The following PRDM11 variants were observed in gnomAD, a reference collection of about 807,000 sequenced individuals.
The protein encoded by PRDM11 is PR domain-containing protein 11.
A neutral mutation model predicts 97.8 loss-of-function variants in PRDM11; 20 were observed. The observed-to-expected ratio is 0.20, with a 90% confidence interval of 0.14 to 0.30. The LOEUF (loss-of-function observed/expected upper bound fraction) is 0.30. Among genes scored for constraint, PRDM11 ranks in the 10% least tolerant of loss-of-function variants. The probability of loss-of-function intolerance (pLI) is 1.00; values close to 1 mark genes in which losing one functional copy is unlikely to be tolerated. For missense variants in PRDM11, 1,139 were observed against 1,555.2 expected (o/e 0.73, Z 4.50); for synonymous variants, 599 against 637.7 (o/e 0.94, Z 0.91).
chr11:45,157,104 C>T (rs183582640), intron 1 of PRDM11, among the ~76,000 whole-genome samples: 34 of 152,152 alleles, frequency 2.2e-4, no homozygotes, highest in Admixed American at 1.7e-3. Flanking sequence ...GTTAGCTTTG[C>T]GCCACAGAAA....
intron 4 of PRDM11, among the ~76,000 whole-genome samples, chr11:45,194,575 G>T (rs531992252): frequency 6.7e-6 from 1 of 148,184 alleles, no homozygotes; most frequent in African/African-American, 2.5e-5. Flanking sequence ...AGTACTGTGG[G>T]ATAGTTATTA....
At chr11:45,202,873 T>C (rs962428341) in intron 4 of PRDM11, among the ~76,000 whole-genome samples, 1 of 152,156 alleles carries the variant, frequency 6.6e-6, no homozygotes, top group Non-Finnish European at 1.5e-5. Flanking sequence ...TTATTGTTAT[T>C]TTTAAGGGTA....
chr11:45,154,523 C>T (rs1159650085), intron 1 of PRDM11, among the ~76,000 whole-genome samples: 1 of 152,138 alleles, frequency 6.6e-6, no homozygotes, highest in Non-Finnish European at 1.5e-5. Flanking sequence ...GGGGTGGGGG[C>T]AGATAGCTGC....
At chr11:45,174,592 G>A (rs1386073452) in intron 1 of PRDM11, among the ~76,000 whole-genome samples, 2 of 152,210 alleles carry the variant, frequency 1.3e-5, no homozygotes, top group African/African-American at 4.8e-5. Context: ...CCACTTGTGT[G>A]CCTGATACTC....
intron 1 of PRDM11, among the ~76,000 whole-genome samples, chr11:45,170,605 G>A (rs1852179982): frequency 4.0e-5 from 1 of 25,272 alleles, no homozygotes. Context: ...CTCAGAGGGA[G>A]TGGAACAAAC....
At chr11:45,134,221 C>T (rs913022427) in intron 1 of PRDM11, among the ~76,000 whole-genome samples, 1 of 152,042 alleles carries the variant, frequency 6.6e-6, no homozygotes, top group Non-Finnish European at 1.5e-5. Context: ...AATACTCGGA[C>T]CAAATAGCTC....
intron 5 of PRDM11, among the ~76,000 whole-genome samples, chr11:45,207,266 G>A (rs2863164): frequency 0.11 from 17,253 of 152,226 alleles, 1,398 homozygotes; most frequent in Admixed American, 0.27. Flanking sequence ...GCACTGTCAT[G>A]GCACCGCTTG....
chr11:45,178,650 G>A (rs1852389760), intron 1 of PRDM11, among the ~76,000 whole-genome samples: 1 of 152,228 alleles, frequency 6.6e-6, no homozygotes, highest in South Asian at 2.1e-4. Flanking sequence ...GGGAACATTT[G>A]GTGAATATTT....
At position 45,227,457 on chromosome 11, in the gene PRDM11, C is replaced by T. The variant is rs1210515414; in HGVS notation, c.2832C>T (p.Ile944=). The T allele has an allele frequency of 1.1e-5, 17 of 1,533,706 alleles. No homozygotes were observed. Among genetic ancestry groups the T allele is most frequent in the Admixed American group, 9.8e-5 (5 of 50,974 alleles). The change falls in exon 8 of 8, where the codon ATC becomes ATT. Residue 944 remains isoleucine, a synonymous_variant. Coordinates refer to ENST00000683152, the MANE Select transcript of PRDM11 (RefSeq NM_001384648.1). The surrounding 1 kb of genome is among the most constrained non-coding windows in gnomAD (Gnocchi z 8.0). ...EENFRESFNG[I]AMKNLRVAEA... ...ATTTCCGAGAGAGCTTCAACGGGAT[C>T]GCCATGAAGAACCTCAGGGTGGCTG...
intron 1 of PRDM11, among the ~76,000 whole-genome samples, chr11:45,175,632 G>A (rs886555754): frequency 2.6e-5 from 4 of 152,098 alleles, no homozygotes; most frequent in African/African-American, 9.7e-5. Flanking sequence ...AGCTTTGTAG[G>A]TAAATCTTTG....
rs1852788342 is a variant in PRDM11 at position 45,134,482 on chromosome 11, T to C, written c.96+38581T>C. Among the ~76,000 whole-genome samples the C allele has an allele frequency of 2.0e-5, 3 of 152,108 alleles. No homozygotes were observed. The South Asian group carries it at 6.2e-4, about 32-fold the overall frequency. On this transcript the variant is annotated intron_variant, in intron 1 of 6. Coordinates refer to the PRDM11 transcript ENST00000530656. ...TGGGAGGCTGAGGTGGGCAGATCGC[T>C]TGACTCAGGAGATTGAGACCAGCCT... is the stretch of plus-strand genomic sequence containing the variant.
At chr11:45,173,174 G>T (rs1338007015) in intron 1 of PRDM11, among the ~76,000 whole-genome samples, 1 of 152,128 alleles carries the variant, frequency 6.6e-6, no homozygotes, top group Non-Finnish European at 1.5e-5. Flanking sequence ...CCCAGCCCTG[G>T]TGCTGGGCAA....
intron 5 of PRDM11, among the ~76,000 whole-genome samples, chr11:45,207,135 G>A (rs12284404): frequency 0.21 from 32,443 of 152,104 alleles, 3,993 homozygotes; most frequent in South Asian, 0.3. Context: ...TTGTTGCCAC[G>A]GAGACGCCCC....
chr11:45,194,590 CTGTTTTT>C lies in PRDM11; in HGVS notation c.487-10119_487-10113del, dbSNP rs1306415941. On this transcript the variant is annotated intron_variant, in intron 4 of 7. Coordinates refer to ENST00000683152, the MANE Select transcript of PRDM11 (RefSeq NM_001384648.1). ...AGTACTGTGGGATAGTTATTATCTT[CTGTTTTT>C]TTTTTTTTTTTTTTTTTTTGAGACG... Among the ~76,000 whole-genome samples the C allele has an allele frequency of 3.2e-4, 29 of 89,960 alleles. 2 individuals carry two copies. The highest frequency in any genetic ancestry group is 1.6e-3 in the South Asian group (4 of 2,472). 59.0% of individuals were successfully genotyped at this position (89,960 alleles called of 152,430 possible).
At position 45,187,799 on chromosome 11, in the gene PRDM11, CGTGTGTGT is replaced by C. The variant is rs61613469; in HGVS notation, c.486+4703_486+4710del. On this transcript the variant is annotated intron_variant, in intron 4 of 7. Coordinates refer to ENST00000683152, the MANE Select transcript of PRDM11 (RefSeq NM_001384648.1). Reference sequence around the variant, plus strand: ...TGCTTAAAGTGGCTCAAGAAAAGTTCGTGTGTGTGTGTGTGTGTGTGTGTGTGTGTGTG... The same window carrying C: ...TGCTTAAAGTGGCTCAAGAAAAGTTCGTGTGTGTGTGTGTGTGTGTGTGTG... 9.6e-3 allele frequency among the ~76,000 whole-genome samples: 1,407 copies of C among 147,192 alleles called. 21 individuals carry two copies. The highest frequency in any genetic ancestry group is 0.03 in the African/African-American group (1,204 of 39,780).
At chr11:45,218,604 C>A (rs951338851) in intron 5 of PRDM11, among the ~76,000 whole-genome samples, 5 of 152,192 alleles carry the variant, frequency 3.3e-5, no homozygotes, top group African/African-American at 4.8e-5. Flanking sequence ...TTCCTAGGTG[C>A]TTGTGTAGCT....
chr11:45,206,575 C>T (rs1274172766), intron 5 of PRDM11, among the ~76,000 whole-genome samples: 2 of 152,224 alleles, frequency 1.3e-5, no homozygotes, highest in Admixed American at 6.5e-5. Context: ...CTGTTCCACT[C>T]TTTCACCCAT....
intron 1 of PRDM11, among the ~76,000 whole-genome samples, chr11:45,137,769 C>T (rs1195275772): frequency 2.6e-5 from 4 of 152,126 alleles, no homozygotes; most frequent in Non-Finnish European, 5.9e-5. Flanking sequence ...AATAAGCAAG[C>T]AAGCAAACAG....
rs555962675 is a variant in PRDM11, at chr11:45,223,219, G to C, written c.743-998G>C. Among the ~76,000 whole-genome samples, 63 of 152,202 alleles carry C rather than the reference G, an allele frequency of 4.1e-4. 1 individual carries two copies. The South Asian group carries it at 0.013, about 31-fold the overall frequency. ...TCCCAGCTACTTGGGAGGCTGAAGT[G>C]GGGGGATCACTTGAGCCTGGAAGGT... is the stretch of plus-strand genomic sequence containing the variant. On this transcript the variant is annotated intron_variant, in intron 6 of 7. Transcript: ENST00000683152.
Sources: gnomAD v4.1 joint callset for allele counts (sites outside exome capture counted in the v4.1 genomes callset) on GRCh38, gnomAD v4.1.1 for gene constraint, Gnocchi (gnomAD v3.1) non-coding constraint, MANE v1.5 for transcripts, NCBI Gene and HGNC (gene_info 2026-07-23, HGNC 2026-07-21) for gene names.